The following CHSY3 variants were observed in gnomAD, a reference collection of about 807,000 sequenced individuals.
CHSY3 encodes N-acetylgalactosaminyl-proteoglycan 3-beta-glucuronosyltransferase 3.
Under a neutral mutation model 67.2 loss-of-function variants are expected in CHSY3, and 35 were observed. That is an observed-to-expected ratio of 0.52 (90% confidence interval 0.40 to 0.69). The LOEUF is 0.69. Ranked by LOEUF, CHSY3 falls within the 30% of genes least tolerant of loss-of-function variation. The pLI, the probability that CHSY3 is intolerant of heterozygous loss-of-function variation, is 0.00. For synonymous variants in CHSY3, 474 were observed against 434.7 expected (o/e 1.09, Z -1.12); for missense variants, 1,069 against 1,138.5 (o/e 0.94, Z 0.88).
At chr5:130,153,680 G>A (rs926110425) in intron 2 of CHSY3, among the ~76,000 whole-genome samples, 24 of 152,080 alleles carry the variant, frequency 1.6e-4, no homozygotes, top group Non-Finnish European at 2.6e-4. Context: ...CTTGATCATC[G>A]TGGAGCCCCC....
intron 2 of CHSY3, among the ~76,000 whole-genome samples, chr5:130,111,146 C>T (rs547401391): frequency 5.3e-5 from 8 of 152,178 alleles, no homozygotes; most frequent in South Asian, 4.1e-4. Context: ...TTGCCAGCCC[C>T]ATGGCATGAA....
At chr5:130,096,503 T>C (rs944583493) in intron 2 of CHSY3, among the ~76,000 whole-genome samples, 1 of 152,250 alleles carries the variant, frequency 6.6e-6, no homozygotes, top group Non-Finnish European at 1.5e-5. Flanking sequence ...TGCTTAGTTT[T>C]GATAAATCTT....
intron 2 of CHSY3, among the ~76,000 whole-genome samples, chr5:130,110,288 G>GCTCTT (rs1767551109): frequency 6.6e-6 from 1 of 151,738 alleles, no homozygotes; most frequent in Non-Finnish European, 1.5e-5. Flanking sequence ...TTTGCCTTTA[G>GCTCTT]TCAAAATTTC....
At chr5:130,143,734 G>GTATATATATATATATATATA (rs372062970) in intron 2 of CHSY3, among the ~76,000 whole-genome samples, 3 of 94,656 alleles carry the variant, frequency 3.2e-5, no homozygotes, top group African/African-American at 8.8e-5. Flanking sequence ...GTGTGTGTGT[G>GTATATATATATATATATATA]TATATATATA....
chr5:129,944,881 C>T (rs1463002190), intron 2 of CHSY3, among the ~76,000 whole-genome samples: 7 of 151,894 alleles, frequency 4.6e-5, no homozygotes, highest in South Asian at 2.1e-4. Flanking sequence ...TATTTCACAA[C>T]GTATGTGTTA....
rs1434776447 is a variant in CHSY3 at position 130,111,783 on chromosome 5, GGAAATAAAATGCTGACA to G, written c.1087-72439_1087-72423del. 2.0e-5 allele frequency among the ~76,000 whole-genome samples: 3 copies of G among 151,944 alleles called. No homozygotes were observed. In the East Asian group the frequency reaches 5.8e-4, roughly 29 times the overall value. On this transcript the variant is annotated intron_variant, in intron 2 of 2. Transcript: ENST00000305031. ...AAGTGATTTTTTTTTTCAGCCACCT[GGAAATAAAATGCTGACA>G]GAAATATGCAGGTGCAATGAGGTGA...
intron 2 of CHSY3, among the ~76,000 whole-genome samples, chr5:130,050,260 G>C (rs555464195): frequency 6.6e-6 from 1 of 152,138 alleles, no homozygotes; most frequent in African/African-American, 2.4e-5. Flanking sequence ...CACGTTAAAA[G>C]ATTTTATGAG....
At chr5:130,166,485 T>C (rs562425283) in intron 2 of CHSY3, among the ~76,000 whole-genome samples, 1 of 152,290 alleles carries the variant, frequency 6.6e-6, no homozygotes, top group South Asian at 2.1e-4. Context: ...TATATCAATG[T>C]AATTAGATCA....
intron 2 of CHSY3, among the ~76,000 whole-genome samples, chr5:129,990,146 A>G (rs1362626936): frequency 1.2e-4 from 19 of 152,114 alleles, no homozygotes; most frequent in Admixed American, 1.2e-3. Context: ...AAAACACTGT[A>G]TGTTTGCAAA....
intron 2 of CHSY3, among the ~76,000 whole-genome samples, chr5:129,931,307 C>T (rs1050778785): frequency 9.2e-5 from 14 of 152,116 alleles, no homozygotes; most frequent in African/African-American, 2.4e-4. Flanking sequence ...TAAATGCGAG[C>T]CTATTAAACA....
chr5:130,180,170 T>C (rs1226626571), intron 2 of CHSY3, among the ~76,000 whole-genome samples: 1 of 152,190 alleles, frequency 6.6e-6, no homozygotes, highest in Non-Finnish European at 1.5e-5. Context: ...ACTGATCTGC[T>C]TAGCCTCTCA....
At chr5:129,950,957 A>T (rs1762007170) in intron 2 of CHSY3, among the ~76,000 whole-genome samples, 1 of 152,178 alleles carries the variant, frequency 6.6e-6, no homozygotes, top group Non-Finnish European at 1.5e-5. Context: ...CACAAGAACA[A>T]AGCTGGTGGC....
At chr5:129,943,627 G>A (rs1423082852) in intron 2 of CHSY3, among the ~76,000 whole-genome samples, 2 of 151,960 alleles carry the variant, frequency 1.3e-5, no homozygotes, top group South Asian at 2.1e-4. Context: ...CCCTTTAAAC[G>A]TATTTCGTAC....
intron 2 of CHSY3, among the ~76,000 whole-genome samples, chr5:130,139,845 G>A (rs1007140278): frequency 1.3e-5 from 2 of 152,086 alleles, no homozygotes; most frequent in Non-Finnish European, 2.9e-5. Flanking sequence ...AGCTTACCTC[G>A]AATAATAGAT....
At chr5:130,148,904 TC>T (rs1199052605) in intron 2 of CHSY3, among the ~76,000 whole-genome samples, 1 of 152,242 alleles carries the variant, frequency 6.6e-6, no homozygotes. Flanking sequence ...TTTAATTGTA[TC>T]CCATTTATCA....
At chr5:130,178,251 ATATTTT>A (rs1253158157) in intron 2 of CHSY3, among the ~76,000 whole-genome samples, 65 of 62,714 alleles carry the variant, frequency 1.0e-3, no homozygotes, top group African/African-American at 5.1e-3. Flanking sequence ...ATATATATAT[ATATTTT>A]TTTTTTTTTT....
At position 129,905,260 on chromosome 5, in the gene CHSY3, A is replaced by C; in HGVS notation, c.431A>C (p.Gln144Pro). ...PEEEDGGAAG[Q>P]RRDGRPGSSH... is the part of the protein sequence containing the mutation. The stretch of plus-strand genomic sequence containing the variant: ...GAGGAGGACGGGGGCGCGGCTGGGC[A>C]GCGGAGAGACGGCCGGCCGGGGAGT... The change falls in exon 1 of 3, where the codon CAG becomes CCG. Residue 144 changes from glutamine (Q) to proline (P), a missense_variant. By Grantham distance (76) the Gln-to-Pro change is moderately conservative. Around this residue, in one of 5 missense-constraint regions of CHSY3, gnomAD observed 309 missense variants for 262.5 expected, o/e 1.18. Coordinates refer to ENST00000305031, the MANE Select transcript of CHSY3 (RefSeq NM_175856.5). The C allele has an allele frequency of 6.9e-7, 1 of 1,454,772 alleles. No individual in the cohort carries two copies. The highest frequency in any genetic ancestry group is 9.0e-7 in the Non-Finnish European group (1 of 1,106,606). 90.1% of individuals were successfully genotyped at this position (1,454,772 alleles called of 1,614,324 possible). A position where few individuals can be genotyped will look rare whatever the true frequency, so the allele number is the denominator to read the frequency against.
chr5:130,136,433 G>T (rs1405827631), intron 2 of CHSY3, among the ~76,000 whole-genome samples: 2 of 152,132 alleles, frequency 1.3e-5, no homozygotes, highest in Non-Finnish European at 2.9e-5. Context: ...AAGTTTTGAG[G>T]CAGGGAGTGA....
intron 2 of CHSY3, among the ~76,000 whole-genome samples, chr5:130,144,734 T>G (rs1441142851): frequency 1.3e-5 from 2 of 152,170 alleles, no homozygotes; most frequent in African/African-American, 4.8e-5. Context: ...GCTGGAGTCA[T>G]TCCACTGCCT....
Sources: gnomAD v4.1 joint callset for allele counts (sites outside exome capture counted in the v4.1 genomes callset) on GRCh38, gnomAD v4.1.1 for gene constraint, gnomAD v4.1.1 regional missense constraint, MANE v1.5 for transcripts, NCBI Gene and HGNC (gene_info 2026-07-23, HGNC 2026-07-21) for gene names.